Variants in AGBL5 observed in about 807,000 individuals in gnomAD.
AGBL5 encodes the protein cytosolic carboxypeptidase-like protein 5.
A neutral mutation model predicts 88.0 loss-of-function variants in AGBL5; 51 were observed. That is an observed-to-expected ratio of 0.58 (90% CI 0.46 to 0.73). The LOEUF (loss-of-function observed/expected upper bound fraction) is 0.73. AGBL5 is among the 30% of genes least tolerant of loss of function. AGBL5 has a pLI of 0.00. For synonymous variants in AGBL5, 446 were observed against 438.8 expected, an observed-to-expected ratio of 1.02 and a Z score of -0.21; for missense variants, 1,031 against 1,162.2, an observed-to-expected ratio of 0.89 and a Z score of 1.64.
chr2:27,054,939 G>A lies in AGBL5; in HGVS notation c.729+132G>A, dbSNP rs145302445. On this transcript the variant is annotated intron_variant, in intron 5 of 14. Coordinates refer to ENST00000360131, the MANE Select transcript of AGBL5 (RefSeq NM_021831.6). ...CCCGCAGCGTGCGGCAAGGGTGATG[G>A]CCCCTGCTCCACTTGCAGATTCAGC... 483 of 1,477,288 alleles carry A rather than the reference G, an allele frequency of 3.3e-4. 2 individuals are homozygous for A. The African/African-American group carries it at 5.9e-3, about 18-fold the overall frequency. The allele number at this position is 1,477,288 out of a possible 1,614,324, so 91.5% of individuals were successfully genotyped here.
At position 27,057,363 on chromosome 2, in the gene AGBL5, C is replaced by T. The variant is rs1668489159; in HGVS notation, c.1596C>T (p.Cys532=). Residue 532 remains cysteine (C), a synonymous_variant, in exon 9 of 15, where the codon TGC becomes TGT. Coordinates refer to ENST00000360131, the MANE Select transcript of AGBL5 (RefSeq NM_021831.6). ...GRSVNSIPAA[C]HDNGRASPPP... Reference sequence around the variant, plus strand: ...CAGTAAACAGCATCCCTGCTGCCTGCCATGACAATGGGCGTGCCAGCCCCC... The same window carrying T: ...CAGTAAACAGCATCCCTGCTGCCTGTCATGACAATGGGCGTGCCAGCCCCC... 3 of 1,614,118 alleles carry T rather than the reference C, an allele frequency of 1.9e-6. No individual in the cohort carries two copies. The East Asian group carries it at 6.7e-5, about 36-fold the overall frequency.
chr2:27,057,514 T>C, intron 9 of AGBL5, 76 bp downstream of exon 9: 1 of 1,474,162 alleles, frequency 6.8e-7, no homozygotes, highest in Non-Finnish European at 9.1e-7. Context: ...AGTGCCTGAC[T>C]CTAAGGTCCT....
At chr2:27,068,882 C>A in intron 13 of AGBL5, 138 bp downstream of exon 13, 1 of 1,498,486 alleles carries the variant, frequency 6.7e-7, no homozygotes, top group Non-Finnish European at 8.9e-7. Context: ...TTCTCTGGTG[C>A]CTGAGTGCCT....
chr2:27,067,770 A>G lies in AGBL5; in HGVS notation c.2242+124A>G, dbSNP rs765765737. 1.8e-5 allele frequency: 19 copies of G among 1,073,560 alleles called. 1 individual carries two copies. Among genetic ancestry groups the G allele is most frequent in the Non-Finnish European group, 1.9e-5 (13 of 687,466 alleles). The allele number at this position is 1,073,560 out of a possible 1,614,324, so 66.5% of individuals were successfully genotyped here. On this transcript the variant is annotated intron_variant, in intron 12 of 14. Transcript: ENST00000360131. Reference sequence around the variant, plus strand: ...CCTCTTGGTATCCTAAACCTCTAACACTGGTGCCTTTGTATAGGAAGCTGG... The same window carrying G: ...CCTCTTGGTATCCTAAACCTCTAACGCTGGTGCCTTTGTATAGGAAGCTGG...
At position 27,054,011 on chromosome 2, in the gene AGBL5, T is replaced by G; in HGVS notation, c.503T>G (p.Leu168Arg). The change falls in exon 4 of 15, where the codon CTA (leucine) becomes CGA (arginine). Residue 168 changes from leucine to arginine, a missense_variant. Leu to Arg is a moderately radical substitution (Grantham distance 102). Around this residue, in one of 2 missense-constraint regions of AGBL5, gnomAD observed 540 missense variants for 678.2 expected, o/e 0.80. Transcript: ENST00000360131. ...TCCTACAGTGACTGCCAGGAACTGC[T>G]AAACCAGCTAGACCAGCGCTTTCCG... ...PFSYSDCQEL[L>R]NQLDQRFPEN... 1 of 1,614,186 alleles carries G rather than the reference T, an allele frequency of 6.2e-7. No individual in the cohort carries two copies. Among genetic ancestry groups the G allele is most frequent in the East Asian group, 2.2e-5 (1 of 44,890 alleles).
intron 7 of AGBL5, 50 bp from the exon 8 acceptor site, chr2:27,056,573 C>A: frequency 6.6e-7 from 1 of 1,522,470 alleles, no homozygotes; most frequent in Non-Finnish European, 8.9e-7. Flanking sequence ...CTTCCTTGCA[C>A]CTTGTCCCTT....
intron 12 of AGBL5, 89 bp from the exon 13 acceptor site, chr2:27,068,543 A>C: frequency 8.7e-7 from 1 of 1,145,880 alleles, no homozygotes; most frequent in African/African-American, 1.5e-5. Flanking sequence ...CAAATTGTCA[A>C]CGTGCCAAGG....
chr2:27,054,983 C>G, intron 5 of AGBL5, 92 bp from the exon 6 acceptor site: 2 of 1,505,222 alleles, frequency 1.3e-6, no homozygotes, highest in Non-Finnish European at 1.8e-6. Flanking sequence ...AATCCAGCGG[C>G]TATTCCTGCC....
chr2:27,064,628 C>T (rs992198449), intron 11 of AGBL5, among the ~76,000 whole-genome samples: 1 of 151,048 alleles, frequency 6.6e-6, no homozygotes, highest in African/African-American at 2.4e-5. Context: ...ATAATTGGTA[C>T]CCAGCATATC....
chr2:27,058,433 A>G lies in AGBL5; in HGVS notation c.1705A>G (p.Met569Val), dbSNP rs764397938. ...GRAMAIAALDMAECNPWPRIV... is the reference protein window; with the variant it reads ...GRAMAIAALDVAECNPWPRIV... ...AGCTATGGCCATTGCAGCCCTGGAC[A>G]TGGCGGAATGTAATCCGTGGCCCCG... The change falls in exon 10 of 15, where the codon ATG (methionine) becomes GTG (valine). Residue 569 changes from methionine to valine, a missense_variant. Transcript: ENST00000360131. The G allele has an allele frequency of 3.1e-6, 5 of 1,613,682 alleles. No individual in the cohort carries two copies. The highest frequency in any genetic ancestry group is 3.4e-6 in the Non-Finnish European group (4 of 1,180,046).
At position 27,069,302 on chromosome 2, in the gene AGBL5, C is replaced by A. The variant is rs367660692; in HGVS notation, c.2356-271C>A. On this transcript the variant is annotated intron_variant, in intron 13 of 14. Transcript: ENST00000360131. ...TTTCTACACAGTGTTTCTCTACTCA[C>A]CCAGACCTTAGTCATGGTGTAGCCA... 63 of 985,412 alleles carry A rather than the reference C, an allele frequency of 6.4e-5. 2 individuals carry two copies. In the East Asian group the frequency reaches 2.0e-3, roughly 32 times the overall value. The allele number at this position is 985,412 out of a possible 1,614,324, so 61.0% of individuals were successfully genotyped here.
At chr2:27,062,208 C>T (rs894785325) in intron 11 of AGBL5, among the ~76,000 whole-genome samples, 1 of 151,044 alleles carries the variant, frequency 6.6e-6, no homozygotes, top group African/African-American at 2.4e-5. Flanking sequence ...ACCACAACCT[C>T]CTCCTCCCAA....
chr2:27,053,698 T>A lies in AGBL5; in HGVS notation c.387+125T>A. 5.7e-6 allele frequency: 8 copies of A among 1,402,122 alleles called. No homozygotes were observed. Among genetic ancestry groups the A allele is most frequent in the Non-Finnish European group, 7.6e-6 (8 of 1,051,018 alleles). 86.9% of individuals were successfully genotyped at this position (1,402,122 alleles called of 1,614,324 possible). A position where few individuals can be genotyped will look rare whatever the true frequency, so the allele number is the denominator to read the frequency against. On this transcript the variant is annotated intron_variant, in intron 3 of 14. Transcript: ENST00000360131. This position sits in a 1 kb window ranked among gnomAD's most constrained non-coding sequence, Gnocchi z 4.9. The stretch of plus-strand genomic sequence containing the variant: ...ACAACAGGTTTAAGTATCAGCTTTT[T>A]CTCCAGTGTTAGCTAGAGTCCAAGA...
chr2:27,063,758 T>C (rs1196305516), intron 11 of AGBL5, among the ~76,000 whole-genome samples: 2 of 152,158 alleles, frequency 1.3e-5, no homozygotes. Context: ...GTCAAGTAAC[T>C]GCTGCTGTAA....
rs1572816547 is a variant in AGBL5 at position 27,055,778 on chromosome 2, C to T, written c.1005C>T (p.Tyr335=). ...ATGGGGCCAAAGCTGTGCTTCTCTA[C>T]CACCATGTGCACTCTCGTCTGAACT... ...AIYGAKAVLL[Y]HHVHSRLNSQ... Residue 335 remains tyrosine, a synonymous_variant, in exon 7 of 15, where the codon TAC becomes TAT. Transcript: ENST00000360131. 2 of 1,614,192 alleles carry T rather than the reference C, an allele frequency of 1.2e-6. No homozygotes were observed. The highest frequency in any genetic ancestry group is 1.7e-6 in the Non-Finnish European group (2 of 1,180,032).
chr2:27,055,183 C>G lies in AGBL5; in HGVS notation c.838C>G (p.Leu280Val). The change falls in exon 6 of 15, where the codon CTC becomes GTC. Residue 280 changes from leucine (L) to valine (V), a missense_variant. Coordinates refer to ENST00000360131, the MANE Select transcript of AGBL5 (RefSeq NM_021831.6). ...ACCTGATGATCCCCGGGCCCAAACC[C>G]TCCGTCGCCTCTTCGTCTTTAAGCT... ...LRPDDPRAQTLRRLFVFKLIP... is the reference protein window; with the variant it reads ...LRPDDPRAQTVRRLFVFKLIP... 1 of 1,614,212 alleles carries G rather than the reference C, an allele frequency of 6.2e-7. No individual in the cohort carries two copies. Among genetic ancestry groups the G allele is most frequent in the East Asian group, 2.2e-5 (1 of 44,890 alleles).
Position 27,067,559 on chromosome 2 carries a change from GCTCCATCCCCA to G in AGBL5, c.2156_2166del (p.Ala719GlyfsTer4), listed in dbSNP as rs1669053660. 2 of 1,613,960 alleles carry G rather than the reference GCTCCATCCCCA, an allele frequency of 1.2e-6. No individual in the cohort carries two copies. The highest frequency in any genetic ancestry group is 2.7e-5 in the African/African-American group (2 of 74,898). On this transcript the variant is annotated frameshift_variant, in exon 12 of 15. Coordinates refer to ENST00000360131, the MANE Select transcript of AGBL5 (RefSeq NM_021831.6). LOFTEE classifies it high-confidence loss of function. ...GAACCATCGTCCTGCAGGCAGCCTC[GCTCCATCCCCA>G]GCTCCTACTAGTTCTGGCCCAGCCT...
At chr2:27,052,153 A>G (rs1424932914) in intron 1 of AGBL5, 1 of 152,250 alleles carries the variant, frequency 6.6e-6, no homozygotes, top group Admixed American at 6.5e-5. Context: ...AGGGGTGCTG[A>G]GAACACCCAT....
At chr2:27,057,280 T>C in intron 8 of AGBL5, 23 bp from the exon 9 acceptor site, 2 of 1,604,042 alleles carry the variant, frequency 1.2e-6, no homozygotes, top group East Asian at 2.2e-5. Flanking sequence ...GGCGGGACAC[T>C]GATAAAGGTC....
Sources: gnomAD v4.1 joint callset for allele counts (sites outside exome capture counted in the v4.1 genomes callset) on GRCh38, gnomAD v4.1.1 for gene constraint, gnomAD v4.1.1 regional missense constraint, Gnocchi (gnomAD v3.1) non-coding constraint, MANE v1.5 for transcripts, NCBI Gene and HGNC (gene_info 2026-07-23, HGNC 2026-07-21) for gene names.